DCC: variants seen among roughly 807,000 people sequenced by gnomAD.
DCC encodes the protein DCC netrin 1 receptor.
A neutral mutation model predicts 172.5 loss-of-function variants in DCC; 58 were observed. The ratio of observed to expected loss-of-function variants is 0.34; its 90% confidence interval spans 0.27 to 0.42. The LOEUF (loss-of-function observed/expected upper bound fraction) is 0.42. Among genes scored for constraint, DCC ranks in the 10% least tolerant of loss-of-function variants. DCC has a pLI of 1.00. For missense variants in DCC, 1,740 were observed against 1,791.0 expected (o/e 0.97, Z 0.51); for synonymous variants, 709 against 644.5 (o/e 1.10, Z -1.52).
At chr18:52,656,624 C>T (rs2035259943) in intron 1 of DCC, among the ~76,000 whole-genome samples, 1 of 152,184 alleles carries the variant, frequency 6.6e-6, no homozygotes, top group African/African-American at 2.4e-5. Flanking sequence ...TACGCTCTAA[C>T]TTGGCCAACA....
chr18:52,446,096 C>A (rs1408046687), intron 1 of DCC, among the ~76,000 whole-genome samples: 1 of 152,126 alleles, frequency 6.6e-6, no homozygotes, highest in East Asian at 1.9e-4. Flanking sequence ...CCGCACCCCG[C>A]TAATTCTTTT....
intron 1 of DCC, among the ~76,000 whole-genome samples, chr18:52,748,140 C>A (rs2036937116): frequency 6.6e-6 from 1 of 152,182 alleles, no homozygotes; most frequent in Admixed American, 6.5e-5. Flanking sequence ...CCGCACAGAG[C>A]CAGGTGCGCC....
At chr18:52,785,738 G>A (rs2037645391) in intron 2 of DCC, among the ~76,000 whole-genome samples, 1 of 152,012 alleles carries the variant, frequency 6.6e-6, no homozygotes, top group African/African-American at 2.4e-5. Context: ...AAGTGGCATT[G>A]GATTTGGGTG....
intron 26 of DCC, among the ~76,000 whole-genome samples, chr18:53,487,971 G>A (rs980452670): frequency 6.6e-6 from 1 of 152,148 alleles, no homozygotes; most frequent in African/African-American, 2.4e-5. Context: ...AGAATTGAGA[G>A]CCCACAAGTG....
intron 1 of DCC, among the ~76,000 whole-genome samples, chr18:52,598,201 A>G (rs1471853236): frequency 6.6e-6 from 1 of 152,234 alleles, no homozygotes; most frequent in Admixed American, 6.5e-5. Flanking sequence ...TTTAGTTTTT[A>G]TACTTTTAAA....
intron 1 of DCC, among the ~76,000 whole-genome samples, chr18:52,448,453 A>G (rs962348698): frequency 2.6e-5 from 4 of 151,656 alleles, no homozygotes; most frequent in Admixed American, 2.0e-4. Flanking sequence ...TGATAGATAA[A>G]TTTATAGAGT....
chr18:53,356,679 G>A (rs2057881910), intron 15 of DCC, among the ~76,000 whole-genome samples: 1 of 152,110 alleles, frequency 6.6e-6, no homozygotes, highest in African/African-American at 2.4e-5. Context: ...CTTGGGAAGT[G>A]TCCTCATACA....
At chr18:52,996,105 A>G (rs2041473504) in intron 5 of DCC, among the ~76,000 whole-genome samples, 1 of 152,038 alleles carries the variant, frequency 6.6e-6, no homozygotes, top group South Asian at 2.1e-4. Flanking sequence ...CAAGAAGACT[A>G]CGTCATTAGG....
intron 27 of DCC, among the ~76,000 whole-genome samples, chr18:53,507,297 G>A (rs1568175743): frequency 6.6e-6 from 1 of 152,134 alleles, no homozygotes; most frequent in Non-Finnish European, 1.5e-5. Flanking sequence ...TTGAAAATGT[G>A]TTATGAAAAA....
intron 2 of DCC, among the ~76,000 whole-genome samples, chr18:52,864,482 T>C (rs974989194): frequency 6.6e-6 from 1 of 152,150 alleles, no homozygotes; most frequent in African/African-American, 2.4e-5. Context: ...GTTTGATAGG[T>C]GGCTTTTTAA....
At chr18:52,617,851 A>G (rs1178617287) in intron 1 of DCC, among the ~76,000 whole-genome samples, 1 of 152,196 alleles carries the variant, frequency 6.6e-6, no homozygotes, top group African/African-American at 2.4e-5. Context: ...AGTTCTGGCC[A>G]TAGGATTTAA....
At position 52,927,147 on chromosome 18, in the gene DCC, G is replaced by A. The variant is rs796477974; in HGVS notation, c.985+1777G>A. The stretch of plus-strand genomic sequence containing the variant: ...TATACACGTATATACGTGTATATAT[G>A]TGTATATATACGTATATATGTGTAT... On this transcript the variant is annotated intron_variant, in intron 5 of 28. Coordinates refer to ENST00000442544, the MANE Select transcript of DCC (RefSeq NM_005215.4). 2.3e-3 allele frequency among the ~76,000 whole-genome samples: 70 copies of A among 29,852 alleles called. 10 individuals are homozygous for A. The highest frequency in any genetic ancestry group is 4.5e-3 in the African/African-American group (41 of 9,120). 19.6% of individuals were successfully genotyped at this position (29,852 alleles called of 152,430 possible).
chr18:52,489,744 C>G (rs1350161393), intron 1 of DCC, among the ~76,000 whole-genome samples: 1 of 152,098 alleles, frequency 6.6e-6, no homozygotes, highest in Non-Finnish European at 1.5e-5. Context: ...TATCACTGTC[C>G]TAGACAGGAC....
At chr18:53,054,774 C>T (rs2042380586) in intron 5 of DCC, among the ~76,000 whole-genome samples, 2 of 152,086 alleles carry the variant, frequency 1.3e-5, no homozygotes, top group African/African-American at 4.8e-5. Flanking sequence ...TCCCACAGCA[C>T]ATACAGCTGA....
chr18:52,393,278 A>G (rs1262588207), intron 1 of DCC, among the ~76,000 whole-genome samples: 4 of 152,054 alleles, frequency 2.6e-5, no homozygotes, highest in African/African-American at 9.7e-5. Flanking sequence ...ACGGAATCTC[A>G]TGGAATGTAG....
At chr18:52,829,325 G>A (rs751636688) in intron 2 of DCC, among the ~76,000 whole-genome samples, 119 of 152,132 alleles carry the variant, frequency 7.8e-4, no homozygotes, top group Admixed American at 1.9e-3. Flanking sequence ...ATGCTGGTAG[G>A]AACACCTTAG....
intron 1 of DCC, among the ~76,000 whole-genome samples, chr18:52,717,090 T>G (rs982695991): frequency 7.9e-5 from 12 of 152,160 alleles, no homozygotes; most frequent in African/African-American, 2.9e-4. Flanking sequence ...TGCTGAGAAC[T>G]GACCGCAAGA....
rs1048242054 is a variant in DCC, at chr18:52,932,122, A to C, written c.985+6752A>C. Among the ~76,000 whole-genome samples, 4 of 152,190 alleles carry C rather than the reference A, an allele frequency of 2.6e-5. No homozygotes were observed. In the East Asian group the frequency reaches 5.8e-4, roughly 22 times the overall value. On this transcript the variant is annotated intron_variant, in intron 5 of 28. Transcript: ENST00000442544. ...AATATTGTTGTCAACTTTTTAATTT[A>C]ATTTTAGCCATGACTACTTGTATTA... is the stretch of plus-strand genomic sequence containing the variant.
chr18:52,843,675 T>C (rs2145323396), intron 2 of DCC, among the ~76,000 whole-genome samples: 1 of 152,292 alleles, frequency 6.6e-6, no homozygotes, highest in Admixed American at 6.5e-5. Context: ...TAAAAACATA[T>C]ATTGTATTCA....
Sources: allele counts gnomAD v4.1 joint callset (sites outside exome capture counted in the v4.1 genomes callset), GRCh38; gene constraint gnomAD v4.1.1; transcripts MANE v1.5; gene names NCBI Gene and HGNC (gene_info 2026-07-23, HGNC 2026-07-21).